SDK1: variants seen among roughly 807,000 people sequenced by gnomAD.
SDK1 encodes sidekick cell adhesion molecule 1.
Under a neutral mutation model 245.5 loss-of-function variants are expected in SDK1, and 157 were observed. The ratio of observed to expected loss-of-function variants is 0.64; its 90% CI spans 0.56 to 0.73. The LOEUF (loss-of-function observed/expected upper bound fraction) is 0.73. Ranked by LOEUF, SDK1 falls within the 30% of genes least tolerant of loss-of-function variation. SDK1 has a pLI of 0.00. For synonymous variants in SDK1, 1,647 were observed against 1,278.5 expected (o/e 1.29, Z -6.15); for missense variants, 3,583 against 3,002.3 (o/e 1.19, Z -4.52).
chr7:3,682,634 A>G (rs1047862266), intron 4 of SDK1, among the ~76,000 whole-genome samples: 8 of 29,484 alleles, frequency 2.7e-4, no homozygotes, highest in Non-Finnish European at 6.7e-4. Context: ...TTTTCTTTTT[A>G]CATCAGCTTC....
At chr7:4,165,420 C>T (rs931510465) in intron 32 of SDK1, among the ~76,000 whole-genome samples, 9 of 152,164 alleles carry the variant, frequency 5.9e-5, no homozygotes, top group African/African-American at 1.7e-4. Flanking sequence ...CATTTAAATG[C>T]CTCCCTTAGT....
intron 1 of SDK1, among the ~76,000 whole-genome samples, chr7:3,397,542 A>G (rs984307353): frequency 2.0e-5 from 3 of 151,812 alleles, no homozygotes; most frequent in Non-Finnish European, 2.9e-5. Context: ...GTTTCTAACA[A>G]GAAGTCAGCT....
chr7:3,747,165 T>A (rs1779649190), intron 4 of SDK1, among the ~76,000 whole-genome samples: 1 of 152,166 alleles, frequency 6.6e-6, no homozygotes, highest in Non-Finnish European at 1.5e-5. Flanking sequence ...CCAGGCATGA[T>A]AATAGAAAAT....
chr7:3,879,636 C>A (rs775802219), intron 5 of SDK1, among the ~76,000 whole-genome samples: 3 of 152,142 alleles, frequency 2.0e-5, no homozygotes, highest in Non-Finnish European at 2.9e-5. Context: ...AGGATGGACA[C>A]CCAGTTTAAT....
At chr7:3,824,719 A>G (rs1250576166) in intron 5 of SDK1, among the ~76,000 whole-genome samples, 2 of 152,170 alleles carry the variant, frequency 1.3e-5, no homozygotes, top group African/African-American at 2.4e-5. Context: ...CAATTGCTAG[A>G]TACTGTGGCT....
intron 1 of SDK1, among the ~76,000 whole-genome samples, chr7:3,575,151 CAG>C (rs1434425146): frequency 6.6e-6 from 1 of 152,038 alleles, no homozygotes; most frequent in Non-Finnish European, 1.5e-5. Flanking sequence ...GCTGGGAAAT[CAG>C]AGTTCAAAGT....
intron 13 of SDK1, among the ~76,000 whole-genome samples, chr7:3,977,328 G>C (rs1159698547): frequency 1.3e-4 from 12 of 90,074 alleles, no homozygotes; most frequent in South Asian, 4.8e-4. Flanking sequence ...GCCACGCAGA[G>C]GGTCCTCCAG....
At chr7:3,632,202 C>T (rs530507447) in intron 2 of SDK1, among the ~76,000 whole-genome samples, 27 of 152,272 alleles carry the variant, frequency 1.8e-4, no homozygotes, top group East Asian at 3.9e-4. Context: ...ATTTGACAGA[C>T]GGTTCTAGTC....
At chr7:3,824,324 C>T (rs1187181099) in intron 5 of SDK1, among the ~76,000 whole-genome samples, 1 of 152,092 alleles carries the variant, frequency 6.6e-6, no homozygotes, top group Non-Finnish European at 1.5e-5. Flanking sequence ...TTCTGGCCAG[C>T]GTTTCTGAAA....
chr7:3,902,599 T>G lies in SDK1; in HGVS notation c.848-48324T>G, dbSNP rs547590758. 7.2e-5 allele frequency among the ~76,000 whole-genome samples: 11 copies of G among 152,316 alleles called. No individual in the cohort carries two copies. The South Asian group carries it at 2.1e-3, about 29-fold the overall frequency. On this transcript the variant is annotated intron_variant, in intron 5 of 44. Coordinates refer to ENST00000404826, the MANE Select transcript of SDK1 (RefSeq NM_152744.4). ...GTATAGCTAGGTTTACTGGTTTCTT[T>G]GTAGGAAAACTTTCCTGTGTCTTAA...
intron 12 of SDK1, among the ~76,000 whole-genome samples, chr7:3,973,660 C>G (rs937400872): frequency 1.3e-5 from 2 of 151,802 alleles, no homozygotes; most frequent in African/African-American, 4.8e-5. Flanking sequence ...CTCTTGTCCT[C>G]CAGGAGCATT....
intron 1 of SDK1, among the ~76,000 whole-genome samples, chr7:3,439,446 G>T (rs1292254241): frequency 6.6e-6 from 1 of 152,114 alleles, no homozygotes; most frequent in Admixed American, 6.6e-5. Context: ...ATGTTAGATT[G>T]TTTCGGGTTT....
At chr7:3,343,664 G>A (rs752495184) in intron 1 of SDK1, among the ~76,000 whole-genome samples, 1 of 152,050 alleles carries the variant, frequency 6.6e-6, no homozygotes, top group Non-Finnish European at 1.5e-5. Context: ...AGGGTGAATG[G>A]GATCTCTGTA....
At chr7:3,744,629 A>G (rs10277000) in intron 4 of SDK1, among the ~76,000 whole-genome samples, 11,641 of 152,034 alleles carry the variant, frequency 0.077, 1,394 homozygotes, top group African/African-American at 0.26. Context: ...GGCTAACACG[A>G]TGAAACCCCG....
intron 1 of SDK1, among the ~76,000 whole-genome samples, chr7:3,528,574 A>G (rs955773837): frequency 1.3e-5 from 2 of 152,138 alleles, no homozygotes; most frequent in Non-Finnish European, 2.9e-5. Context: ...TGGAGAATCA[A>G]CCATAGGATT....
chr7:3,393,121 C>T (rs1781803997), intron 1 of SDK1, among the ~76,000 whole-genome samples: 1 of 151,848 alleles, frequency 6.6e-6, no homozygotes, highest in Non-Finnish European at 1.5e-5. Context: ...CAGGTGCCTG[C>T]CACCACGCCT....
At chr7:3,516,994 T>C (rs1189617441) in intron 1 of SDK1, among the ~76,000 whole-genome samples, 2 of 152,168 alleles carry the variant, frequency 1.3e-5, no homozygotes, top group East Asian at 3.8e-4. Flanking sequence ...TGAGTGTGTG[T>C]GCCTTTTATT....
chr7:3,545,159 A>C (rs1040115257), intron 1 of SDK1, among the ~76,000 whole-genome samples: 1 of 152,072 alleles, frequency 6.6e-6, no homozygotes, highest in Non-Finnish European at 1.5e-5. Context: ...GAGAGTTTTA[A>C]TTGACGCCTA....
intron 4 of SDK1, among the ~76,000 whole-genome samples, chr7:3,668,185 A>C (rs1211430280): frequency 6.6e-6 from 1 of 152,132 alleles, no homozygotes; most frequent in Non-Finnish European, 1.5e-5. Context: ...CTTAGAACAA[A>C]ATAATCAGGT....
Sources: gnomAD v4.1 joint callset for allele counts (sites outside exome capture counted in the v4.1 genomes callset) on GRCh38, gnomAD v4.1.1 for gene constraint, MANE v1.5 for transcripts, NCBI Gene and HGNC (gene_info 2026-07-23, HGNC 2026-07-21) for gene names.